The following FMN1 variants were observed in gnomAD, a reference collection of about 807,000 sequenced individuals.
The protein encoded by FMN1 is formin-1.
FMN1 carries 110 observed loss-of-function variants against 132.4 expected under a neutral mutation model. That is an observed-to-expected ratio of 0.83 (90% CI 0.71 to 0.97). FMN1 has a LOEUF of 0.97. Ranked by LOEUF, FMN1 falls within the 50% of genes least tolerant of loss-of-function variation. FMN1 has a pLI of 0.00. For synonymous variants in FMN1, 722 were observed against 651.7 expected, an observed-to-expected ratio of 1.11 and a Z score of -1.64; for missense variants, 1,792 against 1,705.3, an observed-to-expected ratio of 1.05 and a Z score of -0.90.
At chr15:32,911,410 C>G (rs1331093103) in intron 10 of FMN1, among the ~76,000 whole-genome samples, 2 of 152,130 alleles carry the variant, frequency 1.3e-5, no homozygotes, top group Non-Finnish European at 2.9e-5. Flanking sequence ...TTCTCCGTGG[C>G]AGGCTAATTA....
At chr15:32,883,505 A>G (rs28663328) in intron 16 of FMN1, among the ~76,000 whole-genome samples, 1 of 113,952 alleles carries the variant, frequency 8.8e-6, no homozygotes, top group Non-Finnish European at 1.8e-5. Context: ...GCAAGAACCT[A>G]TCTCAAAAAA....
chr15:32,823,314 A>G (rs1216859110), intron 17 of FMN1, among the ~76,000 whole-genome samples: 3 of 151,344 alleles, frequency 2.0e-5, no homozygotes. Context: ...GGCACCCACC[A>G]CCATGCCCAG....
At chr15:32,891,806 A>G (rs1390461173) in intron 15 of FMN1, among the ~76,000 whole-genome samples, 1 of 152,078 alleles carries the variant, frequency 6.6e-6, no homozygotes, top group East Asian at 1.9e-4. Context: ...ATATATGTAT[A>G]TATTTGCAGC....
At chr15:33,086,592 AG>A (rs2038705613) in intron 5 of FMN1, among the ~76,000 whole-genome samples, 1 of 135,902 alleles carries the variant, frequency 7.4e-6, no homozygotes, top group Non-Finnish European at 1.7e-5. Context: ...AAAACACAGA[AG>A]AAAAAGAAAG....
intron 9 of FMN1, among the ~76,000 whole-genome samples, chr15:32,945,214 G>C (rs117137376): frequency 1.3e-5 from 2 of 152,046 alleles, no homozygotes. Context: ...CACTTAGCAC[G>C]GTGCCAATAC....
Position 33,153,422 on chromosome 15 carries a change from GCC to G in FMN1, c.1491_1492del (p.Ala498SerfsTer7), listed in dbSNP as rs1964530694. Reference sequence around the variant, plus strand: ...ATTATTAAACACCTTGCCAAGAGCTGCCGGTGCTGGTGGGGATGGCTTCTTCT... The same window carrying G: ...ATTATTAAACACCTTGCCAAGAGCTGGGTGCTGGTGGGGATGGCTTCTTCT... On this transcript the variant is annotated frameshift_variant, in exon 4 of 21. Coordinates refer to ENST00000616417, the MANE Select transcript of FMN1 (RefSeq NM_001277313.2). LOFTEE classifies it high-confidence loss of function. 13 of 1,536,732 alleles carry G rather than the reference GCC, an allele frequency of 8.5e-6. No individual in the cohort carries two copies. Among genetic ancestry groups the G allele is most frequent in the Non-Finnish European group, 8.7e-6 (10 of 1,147,054 alleles).
At chr15:32,992,742 A>G (rs1255524835) in intron 7 of FMN1, among the ~76,000 whole-genome samples, 2 of 152,190 alleles carry the variant, frequency 1.3e-5, no homozygotes, top group East Asian at 3.8e-4. Context: ...TTTTTACTAT[A>G]AAGGGTCTAT....
At chr15:33,134,070 T>G (rs1963659896) in intron 4 of FMN1, among the ~76,000 whole-genome samples, 1 of 152,104 alleles carries the variant, frequency 6.6e-6, no homozygotes, top group African/African-American at 2.4e-5. Flanking sequence ...CACCTCAGTC[T>G]CCCAAGTAGC....
chr15:32,792,606 G>C (rs1416839576), intron 19 of FMN1, among the ~76,000 whole-genome samples: 1 of 152,124 alleles, frequency 6.6e-6, no homozygotes, highest in African/African-American at 2.4e-5. Flanking sequence ...GAAACCATGA[G>C]TCTTTAGCAG....
chr15:32,806,993 T>C (rs1432368756), intron 17 of FMN1, among the ~76,000 whole-genome samples: 2 of 152,202 alleles, frequency 1.3e-5, no homozygotes, highest in Non-Finnish European at 2.9e-5. Context: ...ATGTAAGCTC[T>C]AGGAGGGCAG....
chr15:32,979,469 C>T (rs2032469460), intron 7 of FMN1, among the ~76,000 whole-genome samples: 1 of 146,956 alleles, frequency 6.8e-6, no homozygotes. Context: ...GGCAAGATAA[C>T]AGCGTGAACC....
At chr15:32,844,978 TA>T (rs1488690512) in intron 17 of FMN1, among the ~76,000 whole-genome samples, 1 of 152,200 alleles carries the variant, frequency 6.6e-6, no homozygotes, top group East Asian at 1.9e-4. Context: ...AACATACCCG[TA>T]TTATTTGAAG....
chr15:32,836,977 A>G, intron 17 of FMN1: 1 of 217,428 alleles, frequency 4.6e-6, no homozygotes, highest in East Asian at 1.2e-4. Context: ...TTTTTTTTTC[A>G]GTTTTACACT....
chr15:32,774,851 G>A (rs2056363869), intron 20 of FMN1, among the ~76,000 whole-genome samples: 4 of 152,164 alleles, frequency 2.6e-5, no homozygotes, highest in African/African-American at 7.2e-5. Flanking sequence ...AGAAGTTCCC[G>A]ATTTGCCATG....
intron 6 of FMN1, among the ~76,000 whole-genome samples, chr15:33,056,323 AG>A (rs567006389): frequency 2.6e-4 from 40 of 152,372 alleles, no homozygotes; most frequent in South Asian, 1.0e-3. Flanking sequence ...AATTGAGCAA[AG>A]GACAATTCGA....
intron 4 of FMN1, among the ~76,000 whole-genome samples, chr15:33,128,855 G>C (rs756411767): frequency 1.3e-5 from 2 of 152,258 alleles, no homozygotes; most frequent in African/African-American, 4.8e-5. Context: ...AACCGGAGCA[G>C]ACTGCAGAGG....
intron 10 of FMN1, among the ~76,000 whole-genome samples, chr15:32,913,708 T>C (rs2060617867): frequency 1.3e-5 from 2 of 152,328 alleles, no homozygotes; most frequent in Admixed American, 6.5e-5. Context: ...CTGTGGTATG[T>C]TGCATAACTG....
At chr15:33,010,893 A>G (rs1205368807) in intron 6 of FMN1, among the ~76,000 whole-genome samples, 2 of 151,562 alleles carry the variant, frequency 1.3e-5, no homozygotes, top group African/African-American at 4.9e-5. Context: ...TTATTGACAT[A>G]TTTTACTAAA....
chr15:33,094,746 C>T (rs1413418070), intron 4 of FMN1, among the ~76,000 whole-genome samples: 1 of 152,220 alleles, frequency 6.6e-6, no homozygotes, highest in South Asian at 2.1e-4. Flanking sequence ...CCTCCTTCCA[C>T]GGTTTTCTCC....
Sources: allele counts gnomAD v4.1 joint callset (sites outside exome capture counted in the v4.1 genomes callset), GRCh38; gene constraint gnomAD v4.1.1; transcripts MANE v1.5; gene names NCBI Gene and HGNC (gene_info 2026-07-23, HGNC 2026-07-21).